MPP7: variants seen among roughly 807,000 people sequenced by gnomAD.
MPP7 encodes MAGUK p55 scaffold protein 7.
In MPP7, 60 loss-of-function variants were observed where a neutral mutation model predicts 76.5. That is an observed-to-expected ratio of 0.78 (90% confidence interval 0.64 to 0.97). MPP7 has a LOEUF of 0.97. Ranked by LOEUF, MPP7 falls within the 50% of genes least tolerant of loss-of-function variation. The pLI, the probability that MPP7 is intolerant of heterozygous loss-of-function variation, is 0.00. For synonymous variants in MPP7, 237 were observed against 244.5 expected (o/e 0.97, Z 0.29); for missense variants, 641 against 694.0 (o/e 0.92, Z 0.86).
chr10:28,124,965 G>A (rs1405380072), intron 7 of MPP7, 45 bp downstream of exon 7: 9 of 1,518,548 alleles, frequency 5.9e-6, no homozygotes, highest in African/African-American at 4.1e-5. Flanking sequence ...TGCTACACAC[G>A]AAACACGTGA....
intron 12 of MPP7, among the ~76,000 whole-genome samples, chr10:28,087,791 G>A (rs892528285): frequency 3.3e-5 from 5 of 152,156 alleles, no homozygotes; most frequent in Non-Finnish European, 7.3e-5. Context: ...GGTGAAGGAG[G>A]CAGCACAGAA....
At chr10:28,232,569 C>A (rs550016305) in intron 2 of MPP7, among the ~76,000 whole-genome samples, 1 of 152,076 alleles carries the variant, frequency 6.6e-6, no homozygotes, top group Non-Finnish European at 1.5e-5. Context: ...TTCTATAATA[C>A]GTGTTATATG....
In MPP7 at chr10:28,114,275, G is replaced by A. The variant is rs1007366941; in HGVS notation, c.952+5376C>T. Reference sequence around the variant, plus strand: ...AAAATTTTAAAAATTAGCTGGGGGTGGTGGCGCATGCCTGTAGTCCCAGCT... The same window carrying A: ...AAAATTTTAAAAATTAGCTGGGGGTAGTGGCGCATGCCTGTAGTCCCAGCT... On this transcript the variant is annotated intron_variant, in intron 11 of 16. Transcript: ENST00000683449. Among the ~76,000 whole-genome samples, 4 of 152,238 alleles carry A rather than the reference G, an allele frequency of 2.6e-5. No homozygotes were observed. The South Asian group carries it at 6.2e-4, about 24-fold the overall frequency.
chr10:28,303,954 A>G (rs1375205784), upstream of MPP7, among the ~76,000 whole-genome samples: 3 of 152,226 alleles, frequency 2.0e-5, no homozygotes, highest in Non-Finnish European at 4.4e-5. Context: ...TTATAGGAAG[A>G]ATTAGAATCC....
At chr10:28,178,104 T>C (rs375338828) in intron 3 of MPP7, among the ~76,000 whole-genome samples, 2 of 152,134 alleles carry the variant, frequency 1.3e-5, no homozygotes, top group South Asian at 4.1e-4. Context: ...ACTACTGACA[T>C]TTTAGGCTGA....
At chr10:28,156,938 G>GA (rs1186880847) in intron 3 of MPP7, among the ~76,000 whole-genome samples, 1 of 152,144 alleles carries the variant, frequency 6.6e-6, no homozygotes, top group Non-Finnish European at 1.5e-5. Flanking sequence ...GGCCAGGTGT[G>GA]GTGGCTCACA....
At chr10:28,151,018 C>T (rs1835866696) in intron 3 of MPP7, among the ~76,000 whole-genome samples, 1 of 152,048 alleles carries the variant, frequency 6.6e-6, no homozygotes, top group Admixed American at 6.6e-5. Flanking sequence ...GAAAAATGTC[C>T]CCCACCATAT....
At position 28,147,529 on chromosome 10, in the gene MPP7, C is replaced by T. The variant is rs147997781; in HGVS notation, c.269G>A (p.Ser90Asn). Residue 90 changes from serine to asparagine, a missense_variant, in exon 5 of 17, where the codon AGT becomes AAT. Physicochemically the swap from Ser to Asn is conservative, Grantham distance 46 (BLOSUM62 1). Coordinates refer to ENST00000683449, the MANE Select transcript of MPP7 (RefSeq NM_001318170.2). Reference protein sequence around the residue: ...AEELQNKPLNSEIRELLKLLS... With the variant: ...AEELQNKPLNNEIRELLKLLS... The stretch of plus-strand genomic sequence containing the variant: ...TAGTTTCAACAGCTCTCTGATCTCA[C>T]TGTTTAATGGCTTGTTCTGAAGCTC... The T allele has an allele frequency of 1.2e-6, 2 of 1,614,004 alleles. No individual in the cohort carries two copies. Among genetic ancestry groups the T allele is most frequent in the African/African-American group, 2.7e-5 (2 of 74,940 alleles).
At chr10:28,233,717 CAAAA>C (rs752333257) in intron 2 of MPP7, among the ~76,000 whole-genome samples, 3 of 73,370 alleles carry the variant, frequency 4.1e-5, no homozygotes, top group Non-Finnish European at 5.8e-5. Flanking sequence ...GACTCCGTCT[CAAAA>C]AAAAAAAAAA....
chr10:28,136,065 A>G (rs570781080), intron 5 of MPP7, among the ~76,000 whole-genome samples: 20 of 152,004 alleles, frequency 1.3e-4, no homozygotes, highest in Admixed American at 5.3e-4. Flanking sequence ...CCTATTGTGA[A>G]CTGAGTATGC....
chr10:28,215,525 C>T (rs374525490), intron 2 of MPP7, among the ~76,000 whole-genome samples: 2 of 152,152 alleles, frequency 1.3e-5, no homozygotes, highest in Non-Finnish European at 2.9e-5. Context: ...CTCGAGGAAG[C>T]GACAATTATG....
intron 1 of MPP7, among the ~76,000 whole-genome samples, chr10:28,259,613 G>C (rs1839887921): frequency 1.3e-5 from 2 of 150,396 alleles, no homozygotes; most frequent in South Asian, 2.1e-4. Flanking sequence ...ATGAGGGGAG[G>C]GGGAGGGGAG....
intron 5 of MPP7, among the ~76,000 whole-genome samples, chr10:28,134,132 T>C (rs1835281514): frequency 6.6e-6 from 1 of 152,214 alleles, no homozygotes; most frequent in African/African-American, 2.4e-5. Flanking sequence ...CGTTTTTCAA[T>C]TATACTTCTA....
chr10:28,091,641 A>G (rs1853310523), intron 11 of MPP7, among the ~76,000 whole-genome samples: 1 of 152,228 alleles, frequency 6.6e-6, no homozygotes, highest in South Asian at 2.1e-4. Context: ...AAAAAAATGT[A>G]ATAACTAATC....
At chr10:28,187,157 T>C (rs1837263948) in intron 3 of MPP7, among the ~76,000 whole-genome samples, 1 of 152,204 alleles carries the variant, frequency 6.6e-6, no homozygotes, top group Non-Finnish European at 1.5e-5. Context: ...GACTGTTACA[T>C]TACATAAATG....
At chr10:28,076,081 A>G (rs562617549) in intron 12 of MPP7, among the ~76,000 whole-genome samples, 9 of 152,342 alleles carry the variant, frequency 5.9e-5, no homozygotes, top group African/African-American at 1.9e-4. Context: ...CAAGTTAACC[A>G]ATAGAAGTTG....
chr10:28,306,656 A>G (rs1449267368), upstream of MPP7, among the ~76,000 whole-genome samples: 1 of 50,314 alleles, frequency 2.0e-5, no homozygotes, highest in African/African-American at 1.0e-4. Context: ...TCTAAAATAG[A>G]TGATAGATAG....
chr10:28,295,755 A>T (rs547788507), intron 1 of MPP7, among the ~76,000 whole-genome samples: 9 of 152,378 alleles, frequency 5.9e-5, no homozygotes, highest in African/African-American at 1.7e-4. Flanking sequence ...CCTGCCGTGT[A>T]CGGCATCCTA....
At chr10:28,246,696 G>A (rs971003718) in intron 1 of MPP7, among the ~76,000 whole-genome samples, 9 of 152,050 alleles carry the variant, frequency 5.9e-5, no homozygotes, top group Admixed American at 2.6e-4. Context: ...ACTGCCAAAC[G>A]CTTTTAAAGC....
Sources: allele counts gnomAD v4.1 joint callset (sites outside exome capture counted in the v4.1 genomes callset), GRCh38; gene constraint gnomAD v4.1.1; transcripts MANE v1.5; gene names NCBI Gene and HGNC (gene_info 2026-07-23, HGNC 2026-07-21).